The following SMG1 variants were observed in gnomAD, a reference collection of about 807,000 sequenced individuals.
SMG1 encodes serine/threonine-protein kinase SMG1.
Under a neutral mutation model 419.9 loss-of-function variants are expected in SMG1, and 22 were observed. That is an observed-to-expected ratio of 0.05 (90% CI 0.04 to 0.07). The LOEUF is 0.07. Among genes scored for constraint, SMG1 ranks in the 10% least tolerant of loss-of-function variants. The pLI, the probability that SMG1 is intolerant of heterozygous loss-of-function variation, is 1.00. For missense variants in SMG1, 3,185 were observed against 4,342.0 expected (o/e 0.73, Z 7.49); for synonymous variants, 1,538 against 1,553.5 (o/e 0.99, Z 0.23).
At chr16:18,882,062 A>C in intron 10 of SMG1, 103 bp downstream of exon 10, 2 of 782,332 alleles carry the variant, frequency 2.6e-6, no homozygotes. Context: ...ATACATGCTA[A>C]ACAAATGAAG....
At chr16:18,850,553 C>A (rs1266131781) in intron 33 of SMG1, 86 bp from the exon 34 acceptor site, 7 of 872,260 alleles carry the variant, frequency 8.0e-6, no homozygotes, top group Non-Finnish European at 1.0e-5. Context: ...ATAAAAAATT[C>A]TTCTCATATA....
intron 1 of SMG1, among the ~76,000 whole-genome samples, chr16:18,908,405 AGATT>A (rs1418882263): frequency 6.6e-6 from 1 of 150,708 alleles, no homozygotes; most frequent in Non-Finnish European, 1.5e-5. Context: ...ATTCCAACGA[AGATT>A]AAGAATCACT....
chr16:18,893,823 C>T (rs1195892463), intron 3 of SMG1, among the ~76,000 whole-genome samples: 1 of 151,908 alleles, frequency 6.6e-6, no homozygotes, highest in Non-Finnish European at 1.5e-5. Flanking sequence ...TTTGGGAGGC[C>T]GAGGAAGGCA....
At chr16:18,870,323 T>C (rs187920362) in intron 18 of SMG1, among the ~76,000 whole-genome samples, 1 of 152,320 alleles carries the variant, frequency 6.6e-6, no homozygotes, top group Non-Finnish European at 1.5e-5. Context: ...CAATAAAAGA[T>C]TACTGTTTAG....
Position 18,879,531 on chromosome 16 carries a change from G to T in SMG1, c.1482C>A (p.Thr494=), listed in dbSNP as rs1026221656. 1 of 1,077,434 alleles carries T rather than the reference G, an allele frequency of 9.3e-7. No homozygotes were observed. Among genetic ancestry groups the T allele is most frequent in the South Asian group, 1.3e-5 (1 of 74,454 alleles). The allele number at this position is 1,077,434 out of a possible 1,614,324, so 66.7% of individuals were successfully genotyped here. A position where few individuals can be genotyped will look rare whatever the true frequency, so the allele number is the denominator to read the frequency against. Residue 494 remains threonine, a synonymous_variant, in exon 11 of 63, where the codon ACC becomes ACA. Coordinates refer to ENST00000446231, the MANE Select transcript of SMG1 (RefSeq NM_015092.5). The part of the protein sequence containing the change: ...DQLENCQTCG[T]DYIISVLNLL... Reference sequence around the variant, plus strand: ...AATTCAAGACTGAGATGATATAATCGGTACCACAAGTCTGGCAATTCTCCA... The same window carrying T: ...AATTCAAGACTGAGATGATATAATCTGTACCACAAGTCTGGCAATTCTCCA...
chr16:18,835,233 T>A, intron 48 of SMG1, 69 bp from the exon 49 acceptor site: 1 of 1,449,666 alleles, frequency 6.9e-7, no homozygotes. Context: ...AATATTGCAT[T>A]TAATCCTCAA....
chr16:18,898,314 C>G (rs1421746114), intron 1 of SMG1, among the ~76,000 whole-genome samples: 2 of 152,106 alleles, frequency 1.3e-5, no homozygotes, highest in African/African-American at 4.8e-5. Flanking sequence ...ACTAAAATGA[C>G]TAAGGCTCCA....
intron 54 of SMG1, 98 bp downstream of exon 54, chr16:18,829,188 G>C: frequency 9.2e-7 from 1 of 1,085,730 alleles, no homozygotes; most frequent in South Asian, 1.7e-5. Flanking sequence ...AGTTCAGGAA[G>C]TTTTAAAAAA....
At chr16:18,891,434 GTTCT>G (rs920526109) in intron 4 of SMG1, among the ~76,000 whole-genome samples, 22 of 138,652 alleles carry the variant, frequency 1.6e-4, no homozygotes, top group South Asian at 4.8e-4. Flanking sequence ...TCATTATCAA[GTTCT>G]TTTTTTTTTT....
chr16:18,853,004 A>T (rs1167557140), intron 31 of SMG1, among the ~76,000 whole-genome samples: 3 of 152,226 alleles, frequency 2.0e-5, no homozygotes, highest in African/African-American at 7.2e-5. Context: ...TATCAAAATT[A>T]TTAACACCAA....
intron 1 of SMG1, among the ~76,000 whole-genome samples, chr16:18,924,606 G>A (rs1270745621): frequency 6.6e-6 from 1 of 151,996 alleles, no homozygotes; most frequent in Non-Finnish European, 1.5e-5. Context: ...TTTATTTAAA[G>A]CACTCACAAA....
At chr16:18,836,717 T>C (rs577569249) in intron 46 of SMG1, among the ~76,000 whole-genome samples, 185 bp from the exon 47 acceptor site, 1 of 152,294 alleles carries the variant, frequency 6.6e-6, no homozygotes, top group South Asian at 2.1e-4. Context: ...ACCATGCTCA[T>C]GACATTTTAA....
intron 1 of SMG1, among the ~76,000 whole-genome samples, chr16:18,912,133 T>C (rs1160238545): frequency 1.4e-5 from 2 of 146,702 alleles, no homozygotes; most frequent in African/African-American, 2.5e-5. Flanking sequence ...TAGAGAGGAA[T>C]CTAAAACACA....
chr16:18,895,946 A>C, intron 3 of SMG1, 106 bp downstream of exon 3: 1 of 1,122,406 alleles, frequency 8.9e-7, no homozygotes. Flanking sequence ...ACAGTAGGCT[A>C]ATCAACTTAT....
chr16:18,877,337 A>G, intron 11 of SMG1, 105 bp from the exon 12 acceptor site: 2 of 773,970 alleles, frequency 2.6e-6, no homozygotes. Context: ...TGAAAAGGCT[A>G]CATACTATAT....
chr16:18,898,220 A>C (rs1205156181), intron 1 of SMG1, among the ~76,000 whole-genome samples: 2 of 152,228 alleles, frequency 1.3e-5, no homozygotes, highest in Admixed American at 6.5e-5. Context: ...AACAGGTCCA[A>C]TTAAACTTGG....
intron 11 of SMG1, chr16:18,877,670 CTG>C (rs923679902): frequency 6.5e-6 from 1 of 154,358 alleles, no homozygotes; most frequent in Non-Finnish European, 1.4e-5. Context: ...GAGGGGGAAA[CTG>C]TTGGGATGAA....
At chr16:18,905,756 C>A (rs946342856) in intron 1 of SMG1, among the ~76,000 whole-genome samples, 10 of 151,866 alleles carry the variant, frequency 6.6e-5, no homozygotes, top group African/African-American at 2.2e-4. Context: ...AGATTACAGG[C>A]CCCTGCTACC....
In SMG1 at chr16:18,872,637, A is replaced by G. The variant is rs2035884955; in HGVS notation, c.1891-13T>C. The G allele has an allele frequency of 7.2e-7, 1 of 1,383,320 alleles. No homozygotes were observed. The highest frequency in any genetic ancestry group is 9.6e-7 in the Non-Finnish European group (1 of 1,040,182). The allele number at this position is 1,383,320 out of a possible 1,614,324, so 85.7% of individuals were successfully genotyped here. A position where few individuals can be genotyped will look rare whatever the true frequency, so the allele number is the denominator to read the frequency against. On this transcript the variant is annotated splice_polypyrimidine_tract_variant and intron_variant, in intron 13 of 62. Transcript: ENST00000446231. ...ATAGCGCCCACATCTGATCATGTAC[A>G]AAACAAAGTAAGTTTATGGCTTCTC...
Sources: allele counts gnomAD v4.1 joint callset (sites outside exome capture counted in the v4.1 genomes callset), GRCh38; gene constraint gnomAD v4.1.1; transcripts MANE v1.5; gene names NCBI Gene and HGNC (gene_info 2026-07-23, HGNC 2026-07-21).